Variants in DUSP11 observed in about 807,000 individuals in gnomAD.
DUSP11 encodes dual specificity phosphatase 11.
Under a neutral mutation model 41.4 loss-of-function variants are expected in DUSP11, and 27 were observed. The ratio of observed to expected loss-of-function variants is 0.65; its 90% confidence interval spans 0.48 to 0.90. DUSP11 has a LOEUF of 0.90. Ranked by LOEUF, DUSP11 falls within the 40% of genes least tolerant of loss-of-function variation. The probability of loss-of-function intolerance (pLI) is 0.00; values close to 1 mark genes in which losing one functional copy is unlikely to be tolerated. For synonymous variants in DUSP11, 188 were observed against 159.3 expected (o/e 1.18, Z -1.35); for missense variants, 465 against 461.1 (o/e 1.01, Z -0.08).
At chr2:73,776,733 C>A (rs1468911069) in intron 2 of DUSP11, among the ~76,000 whole-genome samples, 1 of 152,086 alleles carries the variant, frequency 6.6e-6, no homozygotes, top group African/African-American at 2.4e-5. Flanking sequence ...TTGATTCTTC[C>A]TTTTCTGAGC....
chr2:73,779,799 A>G, intron 1 of DUSP11, 75 bp downstream of exon 1: 2 of 1,585,558 alleles, frequency 1.3e-6, no homozygotes. Context: ...CGAGAGGCAG[A>G]GACCACAAAC....
intron 4 of DUSP11, among the ~76,000 whole-genome samples, chr2:73,770,775 T>C (rs890136479): frequency 2.6e-5 from 4 of 152,128 alleles, no homozygotes; most frequent in Non-Finnish European, 5.9e-5. Context: ...TCCACAATGA[T>C]CCTAACTATG....
chr2:73,778,372 T>C lies in DUSP11; in HGVS notation c.247A>G (p.Lys83Glu), dbSNP rs540779010. The C allele has an allele frequency of 3.3e-6, 5 of 1,535,644 alleles. No homozygotes were observed. The South Asian group carries it at 6.3e-5, about 19-fold the overall frequency. Residue 83 changes from lysine (K) to glutamate (E), a missense_variant, in exon 2 of 9, where the codon AAA (lysine) becomes GAA (glutamate). Lys to Glu is a moderately conservative substitution (Grantham distance 56, BLOSUM62 1). Transcript: ENST00000272444. ...CGCTGTCCAACTGGGAGATAGTCTT[T>C]CCACCTATTAGATATATTTTTTGTT... is the stretch of plus-strand genomic sequence containing the variant.
At chr2:73,767,630 A>C (rs901125289) in intron 5 of DUSP11, 6 of 155,820 alleles carry the variant, frequency 3.9e-5, no homozygotes, top group African/African-American at 1.4e-4. Context: ...AGAATGGGCC[A>C]GAAACTTGGG....
rs1166863408 is a variant in DUSP11, at chr2:73,775,864, TAAA to T, written c.319-823_319-821del. 3.3e-4 allele frequency among the ~76,000 whole-genome samples: 17 copies of T among 52,306 alleles called. No individual in the cohort carries two copies. In the East Asian group the frequency reaches 4.7e-3, roughly 15 times the overall value. The allele number at this position is 52,306 out of a possible 152,430, so 34.3% of individuals were successfully genotyped here. ...GTGACTCCATCTCAAAAAAAAAATT[TAAA>T]AAAAAAAAAAAAAAAAAAAAAGAGA... On this transcript the variant is annotated intron_variant, in intron 2 of 8. Coordinates refer to ENST00000272444, the Ensembl canonical transcript of DUSP11.
chr2:73,771,280 A>C (rs1672568054), intron 4 of DUSP11, among the ~76,000 whole-genome samples: 1 of 152,148 alleles, frequency 6.6e-6, no homozygotes, highest in East Asian at 1.9e-4. Context: ...ATGCCTTTTC[A>C]CATTATCTTC....
chr2:73,765,944 G>C lies in DUSP11; in HGVS notation c.935+474C>G, dbSNP rs188494369. On this transcript the variant is annotated intron_variant, in intron 8 of 8. Transcript: ENST00000272444. ...TGAAAAGTCACATATTCCCTGTCCT[G>C]TAACTGATTTTCCAGTGCTAAATGC... Among the ~76,000 whole-genome samples, 9 of 152,236 alleles carry C rather than the reference G, an allele frequency of 5.9e-5. No homozygotes were observed. The East Asian group carries it at 1.2e-3, about 20-fold the overall frequency.
At chr2:73,774,297 A>C (rs1672639071) in intron 3 of DUSP11, among the ~76,000 whole-genome samples, 1 of 152,220 alleles carries the variant, frequency 6.6e-6, no homozygotes, top group Non-Finnish European at 1.5e-5. Context: ...GAGTCAGAAG[A>C]ACTTGGATTT....
chr2:73,773,539 A>G (rs897115420), intron 4 of DUSP11: 1 of 384,902 alleles, frequency 2.6e-6, no homozygotes, highest in African/African-American at 2.1e-5. Flanking sequence ...TTAATTTTAT[A>G]TATTTCTCAT....
intron 2 of DUSP11, 92 bp from the exon 3 acceptor site, chr2:73,775,136 C>A: frequency 9.2e-7 from 1 of 1,092,608 alleles, no homozygotes; most frequent in Non-Finnish European, 1.3e-6. Flanking sequence ...TAACATACAA[C>A]GAGATTCAAA....
At chr2:73,773,133 T>C (rs975038944) in intron 4 of DUSP11, 3 of 152,208 alleles carry the variant, frequency 2.0e-5, no homozygotes, top group African/African-American at 7.2e-5. Context: ...AGTTCTATTT[T>C]CAAAAGAGTA....
At chr2:73,762,984 C>T in intron 8 of DUSP11, 125 bp from the exon 9 acceptor site, 1 of 353,934 alleles carries the variant, frequency 2.8e-6, no homozygotes, top group Non-Finnish European at 4.5e-6. Flanking sequence ...ATATATTCTA[C>T]TGTTTCCTAC....
At chr2:73,771,260 T>C (rs1339308179) in intron 4 of DUSP11, among the ~76,000 whole-genome samples, 1 of 152,224 alleles carries the variant, frequency 6.6e-6, no homozygotes, top group African/African-American at 2.4e-5. Context: ...CAAATGAACA[T>C]ATGAATTCCA....
chr2:73,771,172 T>C (rs1672565819), intron 4 of DUSP11, among the ~76,000 whole-genome samples: 1 of 152,260 alleles, frequency 6.6e-6, no homozygotes, highest in Non-Finnish European at 1.5e-5. Context: ...GAATGTAAAG[T>C]ATATAAGGGC....
At chr2:73,775,177 G>A (rs772982037) in intron 2 of DUSP11, 133 bp from the exon 3 acceptor site, 3 of 722,062 alleles carry the variant, frequency 4.2e-6, no homozygotes, top group East Asian at 2.8e-5. Context: ...GAACATAGAA[G>A]GTATATTACA....
At position 73,771,754 on chromosome 2, in the gene DUSP11, G is replaced by A. The variant is rs374547393; in HGVS notation, c.574+2046C>T. ...CCTGACCTCATGATCTGCCCACCTC[G>A]GCCTCCTAAAGTGCCGGGATTACAG... On this transcript the variant is annotated intron_variant, in intron 4 of 8. Coordinates refer to ENST00000272444, the Ensembl canonical transcript of DUSP11. Among the ~76,000 whole-genome samples the A allele has an allele frequency of 1.2e-4, 18 of 148,750 alleles. No homozygotes were observed. The East Asian group carries it at 2.4e-3, about 20-fold the overall frequency.
chr2:73,766,724 C>T (rs1672473216), intron 7 of DUSP11, 104 bp downstream of exon 7: 11 of 1,366,824 alleles, frequency 8.0e-6, no homozygotes, highest in Non-Finnish European at 1.1e-5. Context: ...CATCTCCCCC[C>T]AACAAACAAA....
At chr2:73,778,592 A>G (rs1458330830) in intron 1 of DUSP11, among the ~76,000 whole-genome samples, 1 of 152,152 alleles carries the variant, frequency 6.6e-6, no homozygotes, top group Non-Finnish European at 1.5e-5. Context: ...ACAAGCCAAC[A>G]CAACAGTACA....
At chr2:73,772,314 G>C (rs1333412952) in intron 4 of DUSP11, among the ~76,000 whole-genome samples, 1 of 152,182 alleles carries the variant, frequency 6.6e-6, no homozygotes, top group African/African-American at 2.4e-5. Context: ...GGAGAGTGTA[G>C]TGTCCTCTTT....
Sources: allele counts gnomAD v4.1 joint callset (sites outside exome capture counted in the v4.1 genomes callset), GRCh38; gene constraint gnomAD v4.1.1; transcripts MANE v1.5; gene names NCBI Gene and HGNC (gene_info 2026-07-23, HGNC 2026-07-21).